AFAP1: variants seen among roughly 807,000 people sequenced by gnomAD.
AFAP1 encodes the protein actin filament-associated protein 1.
AFAP1 carries 75 observed loss-of-function variants against 93.9 expected under a neutral mutation model. The ratio of observed to expected loss-of-function variants is 0.80; its 90% CI spans 0.66 to 0.97. The LOEUF (loss-of-function observed/expected upper bound fraction) is 0.97, where lower values mean the gene tolerates loss of function less well. Among genes scored for constraint, AFAP1 ranks in the 50% least tolerant of loss-of-function variants. The probability of loss-of-function intolerance (pLI) is 0.00; values close to 1 mark genes in which losing one functional copy is unlikely to be tolerated. For missense variants in AFAP1, 1,201 were observed against 1,050.8 expected, an observed-to-expected ratio of 1.14 and a Z score of -1.98; for synonymous variants, 517 against 430.7, an observed-to-expected ratio of 1.20 and a Z score of -2.48.
intron 11 of AFAP1, among the ~76,000 whole-genome samples, chr4:7,789,312 A>G (rs1426761007): frequency 6.6e-6 from 1 of 152,154 alleles, no homozygotes; most frequent in African/African-American, 2.4e-5. Context: ...AAGTGGAGCT[A>G]TTTCACAATA....
chr4:7,886,058 T>C (rs763072903), intron 1 of AFAP1, among the ~76,000 whole-genome samples: 7 of 152,218 alleles, frequency 4.6e-5, no homozygotes, highest in Non-Finnish European at 8.8e-5. Flanking sequence ...AAGGTAGATC[T>C]AAGAAATCTC....
Position 7,772,885 on chromosome 4 carries a change from C to T in AFAP1, c.2188G>A (p.Ala730Thr). 2 of 1,614,202 alleles carry T rather than the reference C, an allele frequency of 1.2e-6. No individual in the cohort carries two copies. The highest frequency in any genetic ancestry group is 1.7e-6 in the Non-Finnish European group (2 of 1,180,036). The part of the protein sequence containing the change: ...LTEVKESLKK[A>T]LAGGVTLGLA... ...CCCAGGGTGACTCCGCCCGCCAGCGCTTTCTTCAGGCTCTCCTTGACCTCC... is the reference window on the plus strand; with the variant it reads ...CCCAGGGTGACTCCGCCCGCCAGCGTTTTCTTCAGGCTCTCCTTGACCTCC... The change falls in exon 16 of 18, where the codon GCG becomes ACG. Residue 730 changes from alanine to threonine, a missense_variant. Transcript: ENST00000420658.
intron 11 of AFAP1, among the ~76,000 whole-genome samples, chr4:7,787,504 T>G (rs962630759): frequency 6.6e-6 from 1 of 152,186 alleles, no homozygotes; most frequent in African/African-American, 2.4e-5. Context: ...GTCAGCTTTG[T>G]GGACTGGGCC....
rs1713760475 is a variant in AFAP1 at position 7,761,319 on chromosome 4, T to TCG, written c.*2445_*2446insCG. 6.6e-6 allele frequency: 1 copy of TCG among 152,210 alleles called. No homozygotes were observed. The allele number at this position is 152,210 out of a possible 1,614,324, so 9.4% of individuals were successfully genotyped here. A position where few individuals can be genotyped will look rare whatever the true frequency, so the allele number is the denominator to read the frequency against. On this transcript the variant is annotated 3_prime_UTR_variant, in exon 18 of 18. Coordinates refer to ENST00000420658, the MANE Select transcript of AFAP1 (RefSeq NM_001134647.2). ...AAGGCTCCATGGACCACGATGGGGT[T>TCG]TGTTAACGTTTGCCTCCGCTTTAAA...
chr4:7,872,224 G>C, intron 1 of AFAP1, 144 bp from the exon 2 acceptor site: 3 of 992,518 alleles, frequency 3.0e-6, no homozygotes, highest in Non-Finnish European at 4.3e-6. Flanking sequence ...TTTGCTGAAA[G>C]CAGGTCCACT....
At chr4:7,886,227 TG>T (rs1718132754) in intron 1 of AFAP1, among the ~76,000 whole-genome samples, 1 of 152,196 alleles carries the variant, frequency 6.6e-6, no homozygotes, top group African/African-American at 2.4e-5. Context: ...ATGTATAATG[TG>T]GGGATAATAA....
At chr4:7,768,242 C>T (rs1477543564) in intron 17 of AFAP1, among the ~76,000 whole-genome samples, 1 of 152,244 alleles carries the variant, frequency 6.6e-6, no homozygotes, top group Non-Finnish European at 1.5e-5. Flanking sequence ...GCTGCTGCCG[C>T]CAGGACCCGT....
intron 6 of AFAP1, among the ~76,000 whole-genome samples, chr4:7,833,286 A>C (rs567845770): frequency 6.6e-6 from 1 of 152,204 alleles, no homozygotes; most frequent in Admixed American, 6.5e-5. Context: ...TCTACAACGA[A>C]CTCAAACAAA....
intron 1 of AFAP1, among the ~76,000 whole-genome samples, chr4:7,923,390 T>A (rs939517714): frequency 6.6e-6 from 1 of 152,224 alleles, no homozygotes. Flanking sequence ...GTCGGCCAAC[T>A]CAGTTCCAGG....
In AFAP1 at chr4:7,763,439, G is replaced by A; in HGVS notation, c.*326C>T. On this transcript the variant is annotated 3_prime_UTR_variant, in exon 18 of 18. Coordinates refer to ENST00000420658, the MANE Select transcript of AFAP1 (RefSeq NM_001134647.2). The stretch of plus-strand genomic sequence containing the variant: ...ACCATCCATCCTCAGTCCAGGGCTG[G>A]GTTGGAATCGGTGAAAGCAATGGCC... 3.2e-6 allele frequency: 1 copy of A among 309,110 alleles called. No homozygotes were observed. The highest frequency in any genetic ancestry group is 6.0e-6 in the Non-Finnish European group (1 of 167,366). The allele number at this position is 309,110 out of a possible 1,614,324, so 19.1% of individuals were successfully genotyped here.
chr4:7,895,264 A>C (rs1228602638), intron 1 of AFAP1, among the ~76,000 whole-genome samples: 4 of 152,264 alleles, frequency 2.6e-5, no homozygotes, highest in Non-Finnish European at 4.4e-5. Flanking sequence ...AACGAGGATC[A>C]TCAGAGGCTT....
chr4:7,801,893 C>A, intron 9 of AFAP1, among the ~76,000 whole-genome samples: 1 of 106,556 alleles, frequency 9.4e-6, no homozygotes. Flanking sequence ...TCAGCCTGAG[C>A]AACACAGTGA....
intron 17 of AFAP1, among the ~76,000 whole-genome samples, chr4:7,764,538 C>CT (rs34923185): frequency 0.52 from 79,312 of 152,050 alleles, 23,428 homozygotes; most frequent in Non-Finnish European, 0.68. Context: ...CTTAAAAATG[C>CT]TTAAAATGGT....
chr4:7,887,312 G>GC (rs199606710), intron 1 of AFAP1, among the ~76,000 whole-genome samples: 3,145 of 152,258 alleles, frequency 0.021, 108 homozygotes, highest in African/African-American at 0.072. Context: ...GTATCTAAGT[G>GC]TGGGGTACCC....
intron 1 of AFAP1, among the ~76,000 whole-genome samples, chr4:7,873,242 C>CAAAAA (rs1195209480): frequency 3.1e-5 from 2 of 64,128 alleles, no homozygotes; most frequent in African/African-American, 6.6e-5. Flanking sequence ...GACTCTGTCT[C>CAAAAA]AAAAAAAAAA....
At chr4:7,895,511 C>G (rs761347042) in intron 1 of AFAP1, among the ~76,000 whole-genome samples, 2 of 152,160 alleles carry the variant, frequency 1.3e-5, no homozygotes, top group African/African-American at 4.8e-5. Context: ...AGTAAGTGCT[C>G]AAAATCTGTA....
Position 7,766,313 on chromosome 4 carries a change from C to T in AFAP1, c.2419-2522G>A, listed in dbSNP as rs745713725. ...TGCCCAGGGGACAGCATCACAAGGT[C>T]GGCGCTCAAGGGCAGTCCTCTGTTG... On this transcript the variant is annotated intron_variant, in intron 17 of 17. Coordinates refer to ENST00000420658, the MANE Select transcript of AFAP1 (RefSeq NM_001134647.2). Among the ~76,000 whole-genome samples the T allele has an allele frequency of 3.3e-5, 5 of 152,120 alleles. No individual in the cohort carries two copies. The South Asian group carries it at 6.2e-4, about 19-fold the overall frequency.
At chr4:7,893,318 C>T (rs552440499) in intron 1 of AFAP1, among the ~76,000 whole-genome samples, 4 of 152,310 alleles carry the variant, frequency 2.6e-5, no homozygotes, top group South Asian at 2.1e-4. Context: ...CGGTGGCTCA[C>T]GCCTGTAATC....
chr4:7,833,551 A>G (rs1711887635), intron 6 of AFAP1, among the ~76,000 whole-genome samples: 1 of 151,862 alleles, frequency 6.6e-6, no homozygotes, highest in African/African-American at 2.4e-5. Context: ...TGGGAATGTA[A>G]ACTAGTACAA....
Sources: gnomAD v4.1 joint callset for allele counts (sites outside exome capture counted in the v4.1 genomes callset) on GRCh38, gnomAD v4.1.1 for gene constraint, MANE v1.5 for transcripts, NCBI Gene and HGNC (gene_info 2026-07-23, HGNC 2026-07-21) for gene names.